Variants in TBC1D22A observed in about 807,000 individuals in gnomAD.
The protein encoded by TBC1D22A is putative GTPase activator.
Under a neutral mutation model 60.2 loss-of-function variants are expected in TBC1D22A, and 38 were observed. The observed-to-expected ratio is 0.63, with a 90% CI of 0.49 to 0.83. TBC1D22A has a LOEUF of 0.83. Ranked by LOEUF, TBC1D22A falls within the 40% of genes least tolerant of loss-of-function variation. The pLI is 0.00. For synonymous variants in TBC1D22A, 302 were observed against 281.7 expected (o/e 1.07, Z -0.72); for missense variants, 628 against 701.0 (o/e 0.90, Z 1.18).
At chr22:46,792,620 G>C in intron 2 of TBC1D22A, 44 bp downstream of exon 2, 1 of 1,614,196 alleles carries the variant, frequency 6.2e-7, no homozygotes, top group South Asian at 1.1e-5. Context: ...GCTCTGATAT[G>C]GGAGGGCTGT....
In TBC1D22A at chr22:46,847,952, T is replaced by C. The variant is rs143664618; in HGVS notation, c.638-30701T>C. Among the ~76,000 whole-genome samples, 205 of 125,636 alleles carry C rather than the reference T, an allele frequency of 1.6e-3. 5 individuals carry two copies. Among genetic ancestry groups the C allele is most frequent in the Admixed American group, 0.014 (183 of 13,404 alleles). The allele number at this position is 125,636 out of a possible 152,430, so 82.4% of individuals were successfully genotyped here. A position where few individuals can be genotyped will look rare whatever the true frequency, so the allele number is the denominator to read the frequency against. On this transcript the variant is annotated intron_variant, in intron 4 of 12. Transcript: ENST00000337137. ...GTGTGTGTGTGTGTGTGTGTGTGTG[T>C]GTGCGCGCGCGCACGCGCTCTACAC...
chr22:47,164,946 C>T lies in TBC1D22A; in HGVS notation c.1426-8552C>T, dbSNP rs191783039. Among the ~76,000 whole-genome samples, 172 of 152,296 alleles carry T rather than the reference C, an allele frequency of 1.1e-3. 1 individual carries two copies. The highest frequency in any genetic ancestry group is 3.8e-3 in the African/African-American group (159 of 41,572). ...TTGGGTAGGATCAACGATCTTTGACCTCTGTAATGTGTGGTCCATGGAGAC... is the reference window on the plus strand; with the variant it reads ...TTGGGTAGGATCAACGATCTTTGACTTCTGTAATGTGTGGTCCATGGAGAC... On this transcript the variant is annotated intron_variant, in intron 12 of 12. Coordinates refer to ENST00000337137, the MANE Select transcript of TBC1D22A (RefSeq NM_014346.5).
At chr22:46,905,891 G>A (rs1355559474) in intron 7 of TBC1D22A, among the ~76,000 whole-genome samples, 1 of 152,188 alleles carries the variant, frequency 6.6e-6, no homozygotes, top group Non-Finnish European at 1.5e-5. Flanking sequence ...TAGGTGTTGG[G>A]GATTTTCCTC....
At chr22:47,070,053 GGCTGTTCCCTGTTGTTTGGTTGGAC>G (rs1202386004) in intron 11 of TBC1D22A, among the ~76,000 whole-genome samples, 1 of 140,026 alleles carries the variant, frequency 7.1e-6, no homozygotes, top group Non-Finnish European at 1.5e-5. Flanking sequence ...GATGGTTCCA[GGCTGTTCCCTGTTGTTTGGTTGGAC>G]GCTGTCCCCT....
intron 10 of TBC1D22A, among the ~76,000 whole-genome samples, chr22:47,020,703 A>C (rs533499528): frequency 1.6e-4 from 25 of 151,982 alleles, no homozygotes; most frequent in Non-Finnish European, 3.1e-4. Flanking sequence ...GCAGTGAATG[A>C]ATGTGGTGGA....
At chr22:46,908,488 C>T (rs2069654110) in intron 7 of TBC1D22A, among the ~76,000 whole-genome samples, 1 of 152,212 alleles carries the variant, frequency 6.6e-6, no homozygotes, top group Non-Finnish European at 1.5e-5. Flanking sequence ...CTTGAGCTGG[C>T]TGTCCTTTAT....
chr22:46,857,349 C>T (rs1294482333), intron 4 of TBC1D22A, among the ~76,000 whole-genome samples: 1 of 152,220 alleles, frequency 6.6e-6, no homozygotes, highest in African/African-American at 2.4e-5. Context: ...TCAGCCCTGA[C>T]CCAAAAGCTG....
At chr22:46,955,330 T>G (rs937065180) in intron 8 of TBC1D22A, among the ~76,000 whole-genome samples, 3 of 152,240 alleles carry the variant, frequency 2.0e-5, no homozygotes, top group African/African-American at 7.2e-5. Flanking sequence ...CAAAATAAAT[T>G]ATTTTCCACT....
chr22:46,767,177 A>G lies in TBC1D22A; in HGVS notation c.62+4329A>G, dbSNP rs571169332. On this transcript the variant is annotated intron_variant, in intron 1 of 12. Coordinates refer to ENST00000337137, the MANE Select transcript of TBC1D22A (RefSeq NM_014346.5). ...GCTTTCCTAGAAACTTTGTTTCTGGATGAGCCAGGATGTGTGGTGTGGTAG... is the reference window on the plus strand; with the variant it reads ...GCTTTCCTAGAAACTTTGTTTCTGGGTGAGCCAGGATGTGTGGTGTGGTAG... Among the ~76,000 whole-genome samples the G allele has an allele frequency of 2.5e-3, 382 of 152,216 alleles. 1 individual carries two copies. Among genetic ancestry groups the G allele is most frequent in the Non-Finnish European group, 4.7e-3 (317 of 68,008 alleles).
intron 9 of TBC1D22A, among the ~76,000 whole-genome samples, chr22:46,992,300 C>T (rs755601207): frequency 6.6e-5 from 10 of 152,272 alleles, no homozygotes; most frequent in Non-Finnish European, 1.5e-4. Flanking sequence ...GGGGCTGGGA[C>T]GACCCGTCCG....
rs559375985 is a variant in TBC1D22A, at chr22:46,861,966, A to G, written c.638-16687A>G. ...CCTGTGCTTCCAGGAGGGACTGGGC[A>G]TGTGGTGTCAGGACAGTGTACTGGG... On this transcript the variant is annotated intron_variant, in intron 4 of 12. Transcript: ENST00000337137. Among the ~76,000 whole-genome samples the G allele has an allele frequency of 1.9e-4, 29 of 152,346 alleles. No individual in the cohort carries two copies. In the South Asian group the frequency reaches 6.0e-3, roughly 32 times the overall value.
intron 3 of TBC1D22A, among the ~76,000 whole-genome samples, chr22:46,796,430 GC>G (rs916569910): frequency 6.6e-6 from 1 of 152,160 alleles, no homozygotes; most frequent in Non-Finnish European, 1.5e-5. Flanking sequence ...GTGGATGTCG[GC>G]CCGTCAGCTG....
At chr22:46,783,959 T>G (rs1409214742) in intron 1 of TBC1D22A, among the ~76,000 whole-genome samples, 1 of 152,254 alleles carries the variant, frequency 6.6e-6, no homozygotes, top group East Asian at 1.9e-4. Context: ...CTGCTTTTCA[T>G]AAGGAATCAC....
chr22:47,027,491 CT>C (rs1034833467), intron 10 of TBC1D22A, among the ~76,000 whole-genome samples: 1 of 152,132 alleles, frequency 6.6e-6, no homozygotes, highest in South Asian at 2.1e-4. Flanking sequence ...CCTTCCCACC[CT>C]TTTCCCCTGA....
chr22:46,791,372 C>G (rs991841572), intron 1 of TBC1D22A, among the ~76,000 whole-genome samples: 3 of 152,178 alleles, frequency 2.0e-5, no homozygotes, highest in African/African-American at 7.2e-5. Flanking sequence ...TGGGCAGCAG[C>G]TCAAAGCTGT....
At chr22:46,906,835 TTC>T (rs999416731) in intron 7 of TBC1D22A, among the ~76,000 whole-genome samples, 3 of 132,380 alleles carry the variant, frequency 2.3e-5, no homozygotes, top group African/African-American at 9.4e-5. Flanking sequence ...TGTGTGTGTG[TTC>T]TTTTTTGTGT....
At position 47,173,559 on chromosome 22, in the gene TBC1D22A, T is replaced by G. The variant is rs2068575540; in HGVS notation, c.1487T>G (p.Leu496Arg). The G allele has an allele frequency of 6.2e-7, 1 of 1,614,176 alleles. No homozygotes were observed. The highest frequency in any genetic ancestry group is 8.5e-7 in the Non-Finnish European group (1 of 1,180,016). Reference sequence around the variant, plus strand: ...CACTGGGATGATGAGGACATCAGCCTGTTGCTGGCCGAGGCCTACCGCCTC... The same window carrying G: ...CACTGGGATGATGAGGACATCAGCCGGTTGCTGGCCGAGGCCTACCGCCTC... ...TAHWDDEDIS[L>R]LLAEAYRLKF... is the part of the protein sequence containing the mutation. Residue 496 changes from leucine (L) to arginine (R), a missense_variant, in exon 13 of 13, where the codon CTG becomes CGG. By Grantham distance (102) the Leu-to-Arg change is moderately radical. Coordinates refer to ENST00000337137, the MANE Select transcript of TBC1D22A (RefSeq NM_014346.5).
chr22:47,027,177 G>A (rs6519927), intron 10 of TBC1D22A, among the ~76,000 whole-genome samples: 3,599 of 152,258 alleles, frequency 0.024, 74 homozygotes, highest in African/African-American at 0.055. Flanking sequence ...TTTGTTATGC[G>A]TATAATCGTT....
chr22:46,959,176 C>G (rs575234739), intron 8 of TBC1D22A, among the ~76,000 whole-genome samples: 1 of 152,264 alleles, frequency 6.6e-6, no homozygotes, highest in South Asian at 2.1e-4. Context: ...TTCCGTTCTA[C>G]CCAACAAAAA....
Sources: allele counts gnomAD v4.1 joint callset (sites outside exome capture counted in the v4.1 genomes callset), GRCh38; gene constraint gnomAD v4.1.1; transcripts MANE v1.5; gene names NCBI Gene and HGNC (gene_info 2026-07-23, HGNC 2026-07-21).